Variants in MGST1 observed in about 807,000 individuals in gnomAD.
MGST1 encodes glutathione S-transferase 12.
Under a neutral mutation model 8.9 loss-of-function variants are expected in MGST1, and 5 were observed. The ratio of observed to expected loss-of-function variants is 0.56; its 90% CI spans 0.29 to 1.19. The LOEUF (loss-of-function observed/expected upper bound fraction) is 1.19. MGST1 is among the 50% of genes most tolerant of loss of function. MGST1 has a pLI of 0.08. For synonymous variants in MGST1, 54 were observed against 67.8 expected (o/e 0.80, Z 1.00); for missense variants, 182 against 187.4 (o/e 0.97, Z 0.17).
At chr12:16,432,714 ACACAC>A (rs1940949274) in intron 1 of MGST1, among the ~76,000 whole-genome samples, 1 of 148,270 alleles carries the variant, frequency 6.7e-6, no homozygotes, top group African/African-American at 2.5e-5. Flanking sequence ...ACACACACAC[ACACAC>A]ACACACACAC....
At chr12:16,398,889 A>G (rs552613129) in intron 1 of MGST1, among the ~76,000 whole-genome samples, 1 of 152,354 alleles carries the variant, frequency 6.6e-6, no homozygotes, top group Admixed American at 6.5e-5. Context: ...GTCAAGAACC[A>G]TGATATGGGT....
chr12:16,550,174 T>C (rs765247718), intron 4 of MGST1: 8 of 152,106 alleles, frequency 5.3e-5, no homozygotes, highest in Non-Finnish European at 8.8e-5. Flanking sequence ...ATGTGCATTA[T>C]AGTGATTTCA....
rs895527335 is a variant in MGST1 at position 16,410,224 on chromosome 12, C to T, written n.778+26620C>T. On this transcript the variant is annotated intron_variant and non_coding_transcript_variant, in intron 1 of 1. Transcript: ENST00000359720. The surrounding 1 kb of genome is among the most constrained non-coding windows in gnomAD (Gnocchi z 4.4). ...TGGAGATTAGCCTATCTTGTCTGCT[C>T]TTTGACATTTTAAGATGATTTACCA... Among the ~76,000 whole-genome samples the T allele has an allele frequency of 2.6e-5, 4 of 152,154 alleles. No homozygotes were observed. Among genetic ancestry groups the T allele is most frequent in the Non-Finnish European group, 5.9e-5 (4 of 68,030 alleles).
At chr12:16,569,666 C>G (rs1942742367) in intron 4 of MGST1, among the ~76,000 whole-genome samples, 1 of 152,174 alleles carries the variant, frequency 6.6e-6, no homozygotes, top group Non-Finnish European at 1.5e-5. Context: ...CATAGAATCA[C>G]AAAATCTTCG....
intron 4 of MGST1, chr12:16,550,803 G>A (rs1941959802): frequency 6.5e-6 from 1 of 154,756 alleles, no homozygotes; most frequent in African/African-American, 2.4e-5. Context: ...AATACAGAAA[G>A]CATAAATATA....
At chr12:16,476,677 A>T (rs1941325626) in intron 4 of MGST1, among the ~76,000 whole-genome samples, 1 of 152,174 alleles carries the variant, frequency 6.6e-6, no homozygotes, top group South Asian at 2.1e-4. Context: ...GCTTTAGATA[A>T]TAATTTTTTG....
intron 4 of MGST1, among the ~76,000 whole-genome samples, chr12:16,477,354 A>G (rs1449077586): frequency 1.3e-5 from 2 of 152,192 alleles, no homozygotes; most frequent in Admixed American, 1.3e-4. Context: ...GATAGCCTAA[A>G]AAATGACATG....
intron 4 of MGST1, among the ~76,000 whole-genome samples, chr12:16,570,772 G>A (rs1565491915): frequency 6.6e-6 from 1 of 152,146 alleles, no homozygotes; most frequent in Non-Finnish European, 1.5e-5. Context: ...AGTGACAACA[G>A]TCACCTGATT....
chr12:16,355,802 G>A (rs1027638791), intron 2 of MGST1, among the ~76,000 whole-genome samples: 25 of 152,160 alleles, frequency 1.6e-4, no homozygotes, highest in Admixed American at 9.8e-4. Context: ...ATTTTATATA[G>A]AGGGGGCAGT....
chr12:16,551,029 A>G, intron 4 of MGST1: 1 of 496,962 alleles, frequency 2.0e-6, no homozygotes. Flanking sequence ...TTCTTTAATA[A>G]TAAACATTCA....
chr12:16,568,972 A>G (rs912616976), intron 4 of MGST1, among the ~76,000 whole-genome samples: 4 of 152,238 alleles, frequency 2.6e-5, no homozygotes, highest in Non-Finnish European at 4.4e-5. Context: ...ACTTAAAAAT[A>G]TGTATGCTAA....
At chr12:16,522,892 G>C (rs1242741783) in intron 4 of MGST1, among the ~76,000 whole-genome samples, 1 of 151,936 alleles carries the variant, frequency 6.6e-6, no homozygotes, top group Non-Finnish European at 1.5e-5. Context: ...TGTATCTCAA[G>C]ACAGTGCCTC....
chr12:16,556,885 G>A (rs938011784), intron 4 of MGST1, among the ~76,000 whole-genome samples: 1 of 152,122 alleles, frequency 6.6e-6, no homozygotes, highest in African/African-American at 2.4e-5. Context: ...CGGCACTAAA[G>A]ATATGCAGTC....
chr12:16,512,861 G>C (rs1941585742), intron 4 of MGST1, among the ~76,000 whole-genome samples: 1 of 152,144 alleles, frequency 6.6e-6, no homozygotes, highest in Admixed American at 6.5e-5. Flanking sequence ...ATTCATCTGA[G>C]TTATGTATAT....
At position 16,586,170 on chromosome 12, in the gene MGST1, C is replaced by A. The variant is rs1478734255; in HGVS notation, n.483-3358C>A. On this transcript the variant is annotated intron_variant and non_coding_transcript_variant, in intron 4 of 4. Transcript: ENST00000538857. The surrounding 1 kb of genome is among the most constrained non-coding windows in gnomAD (Gnocchi z 4.3). ...AAAACCATCACAAGGAATAATTCAA[C>A]ATCCAGTTTTTCAGGTAATCTGCCA... is the stretch of plus-strand genomic sequence containing the variant. 6.6e-6 allele frequency among the ~76,000 whole-genome samples: 1 copy of A among 152,186 alleles called. No individual in the cohort carries two copies. The highest frequency in any genetic ancestry group is 1.5e-5 in the Non-Finnish European group (1 of 68,028).
chr12:16,508,556 ATC>A (rs1426566027), intron 4 of MGST1, among the ~76,000 whole-genome samples: 1 of 152,206 alleles, frequency 6.6e-6, no homozygotes, highest in African/African-American at 2.4e-5. Flanking sequence ...TACCAGGTTT[ATC>A]TCTGATGAAT....
At chr12:16,506,991 A>C (rs1167852909) in intron 4 of MGST1, among the ~76,000 whole-genome samples, 1 of 152,250 alleles carries the variant, frequency 6.6e-6, no homozygotes, top group Non-Finnish European at 1.5e-5. Context: ...TAAAGGACAC[A>C]GACAATAGAA....
Position 16,389,370 on chromosome 12 carries a change from T to G in MGST1, n.778+5766T>G, listed in dbSNP as rs73064201. On this transcript the variant is annotated intron_variant and non_coding_transcript_variant, in intron 1 of 1. Transcript: ENST00000359720. The surrounding 1 kb of genome is among the most constrained non-coding windows in gnomAD (Gnocchi z 4.6). ...GAGAATAGTGGTTAAGTGTCCTGTT[T>G]TGCTTATAGAAGACCATTTAAACCA... is the stretch of plus-strand genomic sequence containing the variant. 0.032 allele frequency among the ~76,000 whole-genome samples: 4,867 copies of G among 152,338 alleles called. 103 individuals carry two copies. Among genetic ancestry groups the G allele is most frequent in the Non-Finnish European group, 0.047 (3,172 of 68,032 alleles).
intron 4 of MGST1, among the ~76,000 whole-genome samples, chr12:16,521,971 T>C (rs948080205): frequency 6.6e-6 from 1 of 152,024 alleles, no homozygotes; most frequent in Non-Finnish European, 1.5e-5. Flanking sequence ...ATAACTTTCA[T>C]ATGTTTGTGG....
Sources: allele counts gnomAD v4.1 joint callset (sites outside exome capture counted in the v4.1 genomes callset), GRCh38; gene constraint gnomAD v4.1.1; non-coding constraint Gnocchi (gnomAD v3.1); transcripts MANE v1.5; gene names NCBI Gene and HGNC (gene_info 2026-07-23, HGNC 2026-07-21).